AKAP6: variants seen among roughly 807,000 people sequenced by gnomAD.
The protein encoded by AKAP6 is A-kinase anchoring protein 6, also known as A-kinase anchor protein 6.
A neutral mutation model predicts 188.5 loss-of-function variants in AKAP6; 58 were observed. The observed-to-expected ratio is 0.31, with a 90% CI of 0.25 to 0.38. The LOEUF is 0.38. Among genes scored for constraint, AKAP6 ranks in the 10% least tolerant of loss-of-function variants. AKAP6 has a pLI of 1.00. For missense variants in AKAP6, 2,710 were observed against 2,740.0 expected (o/e 0.99, Z 0.24); for synonymous variants, 989 against 998.6 (o/e 0.99, Z 0.18).
chr14:32,615,167 C>CAAAAA lies in AKAP6; in HGVS notation c.2730+14390_2730+14394dup, dbSNP rs71115086. 7.0e-3 allele frequency among the ~76,000 whole-genome samples: 375 copies of CAAAAA among 53,450 alleles called. 66 individuals are homozygous for CAAAAA. The highest frequency in any genetic ancestry group is 0.068 in the South Asian group (78 of 1,140). The allele number at this position is 53,450 out of a possible 152,430, so 35.1% of individuals were successfully genotyped here. ...CTGGCAACAGAGCAAGACTCTGTCT[C>CAAAAA]AAAAAAAAAAAAAAAAAAAGATAAA... is the stretch of plus-strand genomic sequence containing the variant. On this transcript the variant is annotated intron_variant, in intron 7 of 13. Transcript: ENST00000280979.
chr14:32,418,797 G>C (rs1889744348), intron 1 of AKAP6, among the ~76,000 whole-genome samples: 1 of 152,102 alleles, frequency 6.6e-6, no homozygotes. Context: ...TTTAAAAAGA[G>C]ACAAATTGAT....
chr14:32,436,484 G>A (rs1890382126), intron 2 of AKAP6, among the ~76,000 whole-genome samples: 1 of 152,126 alleles, frequency 6.6e-6, no homozygotes. Flanking sequence ...TCCAAAATAT[G>A]CCCTAAAGTT....
chr14:32,356,491 T>C lies in AKAP6; in HGVS notation c.-35+27083T>C, dbSNP rs184912657. Among the ~76,000 whole-genome samples the C allele has an allele frequency of 2.0e-5, 3 of 152,296 alleles. No individual in the cohort carries two copies. In the East Asian group the frequency reaches 5.8e-4, roughly 29 times the overall value. ...CATCTGCTCTGTGGTTAACTTCCAG[T>C]ATTGTTCCCTTCAGTACTCCCTTAA... On this transcript the variant is annotated intron_variant, in intron 1 of 13. Coordinates refer to ENST00000280979, the MANE Select transcript of AKAP6 (RefSeq NM_004274.5).
chr14:32,584,236 C>T (rs1369233222), intron 5 of AKAP6, among the ~76,000 whole-genome samples: 2 of 152,130 alleles, frequency 1.3e-5, no homozygotes, highest in Admixed American at 6.5e-5. Context: ...TCATGTATAC[C>T]ATGTCTTTGA....
At chr14:32,526,641 A>G (rs935533606) in intron 2 of AKAP6, among the ~76,000 whole-genome samples, 2 of 152,206 alleles carry the variant, frequency 1.3e-5, no homozygotes, top group African/African-American at 4.8e-5. Context: ...TGGCCTCCCA[A>G]AGTGATGGGA....
chr14:32,545,051 G>A (rs1008790709), intron 3 of AKAP6, among the ~76,000 whole-genome samples, 179 bp from the exon 4 acceptor site: 8 of 152,168 alleles, frequency 5.3e-5, no homozygotes, highest in African/African-American at 1.9e-4. Context: ...TTAAGAACAA[G>A]ATACTATATA....
At chr14:32,612,296 A>C (rs895361860) in intron 7 of AKAP6, among the ~76,000 whole-genome samples, 1 of 152,182 alleles carries the variant, frequency 6.6e-6, no homozygotes, top group Non-Finnish European at 1.5e-5. Flanking sequence ...TGGGGCAGCA[A>C]CTACCTCCTA....
At chr14:32,582,800 A>G (rs1057212169) in intron 5 of AKAP6, among the ~76,000 whole-genome samples, 5 of 152,130 alleles carry the variant, frequency 3.3e-5, no homozygotes, top group African/African-American at 1.2e-4. Context: ...AGGCTTCTGC[A>G]TTCTTCACGT....
intron 11 of AKAP6, among the ~76,000 whole-genome samples, chr14:32,769,399 T>G (rs774830339): frequency 6.6e-5 from 10 of 152,030 alleles, no homozygotes; most frequent in Non-Finnish European, 1.3e-4. Context: ...CACACTTCCC[T>G]TCTCTCTCCA....
intron 1 of AKAP6, among the ~76,000 whole-genome samples, chr14:32,382,291 G>A (rs1888389884): frequency 6.6e-6 from 1 of 152,154 alleles, no homozygotes; most frequent in African/African-American, 2.4e-5. Flanking sequence ...TTCAGAGGGA[G>A]CCTCTGAATT....
chr14:32,677,708 T>C (rs2139636215), intron 7 of AKAP6, among the ~76,000 whole-genome samples: 1 of 152,336 alleles, frequency 6.6e-6, no homozygotes, highest in African/African-American at 2.4e-5. Flanking sequence ...TTACTACCTC[T>C]CCTTTACTAC....
chr14:32,336,807 C>T (rs901757176), intron 1 of AKAP6, among the ~76,000 whole-genome samples: 1 of 152,144 alleles, frequency 6.6e-6, no homozygotes, highest in South Asian at 2.1e-4. Context: ...TACTCCACCT[C>T]GTCTCTTATC....
At chr14:32,492,647 T>C (rs1594673864) in intron 2 of AKAP6, among the ~76,000 whole-genome samples, 2 of 151,718 alleles carry the variant, frequency 1.3e-5, no homozygotes, top group South Asian at 2.1e-4. Flanking sequence ...TACATGTTCC[T>C]TTTTTTTCCC....
Position 32,769,037 on chromosome 14 carries a change from A to ATTTTTTTTTTTTTTTTTTTTTTT in AKAP6, c.3373-4636_3373-4614dup, listed in dbSNP as rs544997334. The stretch of plus-strand genomic sequence containing the variant: ...ACTAGGGGATGCAGCTGCTCTTTTG[A>ATTTTTTTTTTTTTTTTTTTTTTT]TTTTTTTTTTTTTTTTTTTTTTTTT... On this transcript the variant is annotated intron_variant, in intron 11 of 13. Transcript: ENST00000280979. 7.4e-4 allele frequency among the ~76,000 whole-genome samples: 42 copies of ATTTTTTTTTTTTTTTTTTTTTTT among 56,922 alleles called. 12 individuals carry two copies. The highest frequency in any genetic ancestry group is 4.0e-3 in the East Asian group (5 of 1,262). The allele number at this position is 56,922 out of a possible 152,430, so 37.3% of individuals were successfully genotyped here.
intron 7 of AKAP6, among the ~76,000 whole-genome samples, chr14:32,627,221 A>T (rs1256636370): frequency 6.6e-6 from 1 of 152,140 alleles, no homozygotes; most frequent in African/African-American, 2.4e-5. Context: ...TTTTGCCTTT[A>T]TTCTTTGAAT....
At chr14:32,490,992 G>A (rs921579262) in intron 2 of AKAP6, among the ~76,000 whole-genome samples, 2 of 152,124 alleles carry the variant, frequency 1.3e-5, no homozygotes, top group Non-Finnish European at 2.9e-5. Context: ...GAGGAACAAA[G>A]GTAGCACAAG....
chr14:32,830,745 G>T lies in AKAP6; in HGVS notation c.*940G>T, dbSNP rs1403933312. On this transcript the variant is annotated 3_prime_UTR_variant, in exon 14 of 14. Coordinates refer to ENST00000280979, the MANE Select transcript of AKAP6 (RefSeq NM_004274.5). ...ATGTCTAGTGATGTGGAAAATATAA[G>T]CCTTAAATCCATTAGATTGCATGGT... 1 of 152,558 alleles carries T rather than the reference G, an allele frequency of 6.6e-6. No individual in the cohort carries two copies. The highest frequency in any genetic ancestry group is 1.5e-5 in the Non-Finnish European group (1 of 68,010). 9.5% of individuals were successfully genotyped at this position (152,558 alleles called of 1,614,324 possible).
At chr14:32,666,685 T>A (rs760891802) in intron 7 of AKAP6, among the ~76,000 whole-genome samples, 2 of 152,132 alleles carry the variant, frequency 1.3e-5, no homozygotes, top group Non-Finnish European at 2.9e-5. Context: ...GCATCCTTAA[T>A]ATAGAGTCTT....
chr14:32,527,651 C>T (rs1882200702), intron 2 of AKAP6, among the ~76,000 whole-genome samples: 1 of 152,142 alleles, frequency 6.6e-6, no homozygotes, highest in Non-Finnish European at 1.5e-5. Context: ...AATGGTATCT[C>T]ATTGTTTTAA....
Sources: allele counts gnomAD v4.1 joint callset (sites outside exome capture counted in the v4.1 genomes callset), GRCh38; gene constraint gnomAD v4.1.1; transcripts MANE v1.5; gene names NCBI Gene and HGNC (gene_info 2026-07-23, HGNC 2026-07-21).